CERS3: variants seen among roughly 807,000 people sequenced by gnomAD.
CERS3 encodes ceramide synthase 3.
Under a neutral mutation model 50.3 loss-of-function variants are expected in CERS3, and 33 were observed. The ratio of observed to expected loss-of-function variants is 0.66; its 90% CI spans 0.50 to 0.88. CERS3 has a LOEUF of 0.88. Among genes scored for constraint, CERS3 ranks in the 40% least tolerant of loss-of-function variants. The pLI is 0.00. For missense variants in CERS3, 470 were observed against 460.3 expected, an observed-to-expected ratio of 1.02 and a Z score of -0.19; for synonymous variants, 176 against 155.2, an observed-to-expected ratio of 1.13 and a Z score of -0.99.
At chr15:100,468,786 G>A (rs1035581577) in intron 10 of CERS3, among the ~76,000 whole-genome samples, 1 of 152,124 alleles carries the variant, frequency 6.6e-6, no homozygotes, top group Admixed American at 6.5e-5. Flanking sequence ...CTGGTCTGTG[G>A]CTAAACAAAA....
At chr15:100,506,049 C>A (rs149035273) in intron 2 of CERS3, among the ~76,000 whole-genome samples, 1 of 150,472 alleles carries the variant, frequency 6.6e-6, no homozygotes, top group African/African-American at 2.5e-5. Context: ...TGTGAGCCAT[C>A]GGGTCTGAGA....
rs150005356 is a variant in CERS3, at chr15:100,448,200, G to A, written c.999+7693C>T. On this transcript the variant is annotated intron_variant, in intron 11 of 11. Coordinates refer to ENST00000679737, the MANE Select transcript of CERS3 (RefSeq NM_001378789.1). ...GGATTCTTTAAAAAGCAGCAAAATCGAGAATAACTAGAGGCATCGGGTACA... is the reference window on the plus strand; with the variant it reads ...GGATTCTTTAAAAAGCAGCAAAATCAAGAATAACTAGAGGCATCGGGTACA... 5.6e-3 allele frequency among the ~76,000 whole-genome samples: 851 copies of A among 152,274 alleles called. 12 individuals are homozygous for A. Among genetic ancestry groups the A allele is most frequent in the African/African-American group, 0.019 (796 of 41,560 alleles).
intron 3 of CERS3, chr15:100,500,511 T>C (rs1297355447): frequency 2.6e-5 from 4 of 152,162 alleles, no homozygotes; most frequent in Non-Finnish European, 4.4e-5. Context: ...AAATCTGCAA[T>C]GGAAATAAGT....
At chr15:100,490,645 C>G (rs1168871458) in intron 4 of CERS3, 172 bp downstream of exon 4, 6 of 559,824 alleles carry the variant, frequency 1.1e-5, no homozygotes, top group Non-Finnish European at 1.9e-5. Flanking sequence ...ATGTATCACA[C>G]TTGGGATGTT....
At chr15:100,463,435 G>A (rs369409846) in intron 10 of CERS3, among the ~76,000 whole-genome samples, 1,038 of 92,596 alleles carry the variant, frequency 0.011, no homozygotes, top group African/African-American at 0.012. Context: ...CTCTGTCTCA[G>A]AAAAAAAAAA....
chr15:100,402,577 A>G lies in CERS3; in HGVS notation c.*136T>C. The G allele has an allele frequency of 1.2e-6, 1 of 803,078 alleles. No homozygotes were observed. Among genetic ancestry groups the G allele is most frequent in the African/African-American group, 1.7e-5 (1 of 58,002 alleles). 49.7% of individuals were successfully genotyped at this position (803,078 alleles called of 1,614,324 possible). ...ACACAAGTTAACAACATTTTGGTAA[A>G]CACATCTTAGGTGGGAGGGAAGGCG... On this transcript the variant is annotated 3_prime_UTR_variant, in exon 12 of 12. Coordinates refer to ENST00000679737, the MANE Select transcript of CERS3 (RefSeq NM_001378789.1).
At chr15:100,510,026 C>A (rs377151351) in intron 2 of CERS3, among the ~76,000 whole-genome samples, 243 of 144,670 alleles carry the variant, frequency 1.7e-3, no homozygotes, top group Non-Finnish European at 1.9e-3. Context: ...CAAACCCAGC[C>A]AAAAAAAAAA....
intron 3 of CERS3, among the ~76,000 whole-genome samples, chr15:100,493,852 T>A (rs977787053): frequency 6.6e-6 from 1 of 152,180 alleles, no homozygotes; most frequent in East Asian, 1.9e-4. Context: ...TAATTTATAG[T>A]TTCAATTACT....
chr15:100,497,499 C>A (rs184778437), intron 3 of CERS3, among the ~76,000 whole-genome samples: 8 of 152,068 alleles, frequency 5.3e-5, no homozygotes, highest in Admixed American at 5.2e-4. Context: ...GAAATAGTTT[C>A]ATAGGGTAGT....
chr15:100,425,624 C>G (rs59434653), intron 11 of CERS3, among the ~76,000 whole-genome samples: 1 of 152,126 alleles, frequency 6.6e-6, no homozygotes, highest in South Asian at 2.1e-4. Flanking sequence ...ATTTTACAGG[C>G]TCATAGGCAG....
intron 5 of CERS3, among the ~76,000 whole-genome samples, chr15:100,480,991 AG>A (rs2035282613): frequency 6.6e-6 from 1 of 152,210 alleles, no homozygotes; most frequent in African/African-American, 2.4e-5. Flanking sequence ...CCAAATAAAA[AG>A]TTTTTTAAAG....
At chr15:100,452,229 A>G (rs183972538) in intron 11 of CERS3, among the ~76,000 whole-genome samples, 1 of 152,358 alleles carries the variant, frequency 6.6e-6, no homozygotes, top group East Asian at 1.9e-4. Context: ...GTTAGGACAT[A>G]AAACATGTCT....
intron 1 of CERS3, among the ~76,000 whole-genome samples, chr15:100,542,348 C>A (rs546250109): frequency 9.2e-5 from 14 of 152,172 alleles, no homozygotes; most frequent in Non-Finnish European, 2.1e-4. Context: ...CTTATTTGGT[C>A]ACGCATGGCA....
Position 100,472,962 on chromosome 15 carries a change from C to G in CERS3, c.700G>C (p.Val234Leu), listed in dbSNP as rs373080717. The G allele has an allele frequency of 1.9e-6, 3 of 1,613,966 alleles. No homozygotes were observed. Among genetic ancestry groups the G allele is most frequent in the Non-Finnish European group, 1.7e-6 (2 of 1,179,928 alleles). The change falls in exon 9 of 12, where the codon GTG becomes CTG. Residue 234 changes from valine to leucine, a missense_variant. By Grantham distance (32) the Val-to-Leu change is conservative. Coordinates refer to ENST00000679737, the MANE Select transcript of CERS3 (RefSeq NM_001378789.1). ...CANYIRSGTL[V>L]MIVHDVADIW... ...TCAGCCACATCGTGTACAATCATCA[C>G]GAGGGTCCCACTGCGAATATAATTA...
intron 5 of CERS3, among the ~76,000 whole-genome samples, 155 bp downstream of exon 5, chr15:100,484,395 A>C (rs1338606160): frequency 6.6e-6 from 1 of 152,208 alleles, no homozygotes; most frequent in Non-Finnish European, 1.5e-5. Flanking sequence ...GAAGCAGAGA[A>C]GGCAAATATG....
intron 11 of CERS3, among the ~76,000 whole-genome samples, chr15:100,417,766 C>A (rs549631904): frequency 6.6e-6 from 1 of 151,786 alleles, no homozygotes; most frequent in East Asian, 1.9e-4. Flanking sequence ...CAAGTAGGTC[C>A]CTGACCCCTG....
rs557826222 is a variant in CERS3, at chr15:100,469,390, A to G, written c.833T>C (p.Val278Ala). 1 of 1,613,838 alleles carries G rather than the reference A, an allele frequency of 6.2e-7. No individual in the cohort carries two copies. Among genetic ancestry groups the G allele is most frequent in the Non-Finnish European group, 8.5e-7 (1 of 1,179,726 alleles). ...STIFFISRLI[V>A]FPFWILYCTL... is the part of the protein sequence containing the mutation. ...CCGGTCTACTCACCAGAAAGGAAAA[A>G]CAATGAGGCGGCTGATGAAAAATAT... The change falls in exon 10 of 12, where the codon GTT (valine) becomes GCT (alanine). Residue 278 changes from valine to alanine, a missense_variant. By Grantham distance (64) the Val-to-Ala change is moderately conservative. Coordinates refer to ENST00000679737, the MANE Select transcript of CERS3 (RefSeq NM_001378789.1).
intron 2 of CERS3, among the ~76,000 whole-genome samples, chr15:100,518,730 G>A (rs1393945): frequency 0.62 from 94,768 of 152,120 alleles, 29,803 homozygotes; most frequent in Admixed American, 0.73. Flanking sequence ...CACATTATCA[G>A]CTCCTTTTCC....
At chr15:100,495,762 T>TA (rs2035793263) in intron 3 of CERS3, among the ~76,000 whole-genome samples, 2 of 152,216 alleles carry the variant, frequency 1.3e-5, no homozygotes, top group African/African-American at 4.8e-5. Context: ...TAATGTTTCC[T>TA]AAAAAGATAA....
Sources: allele counts gnomAD v4.1 joint callset (sites outside exome capture counted in the v4.1 genomes callset), GRCh38; gene constraint gnomAD v4.1.1; transcripts MANE v1.5; gene names NCBI Gene and HGNC (gene_info 2026-07-23, HGNC 2026-07-21).